EPG5: variants seen among roughly 807,000 people sequenced by gnomAD.
EPG5 encodes ectopic P granules protein 5 homolog.
EPG5 carries 159 observed loss-of-function variants against 302.7 expected under a neutral mutation model. The ratio of observed to expected loss-of-function variants is 0.53; its 90% CI spans 0.46 to 0.60. The LOEUF (loss-of-function observed/expected upper bound fraction) is 0.60. Among genes scored for constraint, EPG5 ranks in the 20% least tolerant of loss-of-function variants. The pLI, the probability that EPG5 is intolerant of heterozygous loss-of-function variation, is 0.00. For missense variants in EPG5, 2,896 were observed against 3,092.4 expected (o/e 0.94, Z 1.51); for synonymous variants, 1,158 against 1,136.8 (o/e 1.02, Z -0.37).
chr18:45,909,656 G>A (rs2049845114), intron 23 of EPG5, among the ~76,000 whole-genome samples: 1 of 152,194 alleles, frequency 6.6e-6, no homozygotes, highest in Non-Finnish European at 1.5e-5. Flanking sequence ...CCTTTTAGAG[G>A]AGGCAAATAT....
chr18:45,946,118 A>G (rs1234383002), intron 7 of EPG5, among the ~76,000 whole-genome samples: 1 of 152,258 alleles, frequency 6.6e-6, no homozygotes, highest in Non-Finnish European at 1.5e-5. Context: ...AAAATTAACA[A>G]GGGTGATCTC....
intron 36 of EPG5, chr18:45,868,019 A>G (rs1599449032): frequency 1.9e-6 from 1 of 514,362 alleles, no homozygotes; most frequent in Non-Finnish European, 3.8e-6. Flanking sequence ...CCTAACCCCA[A>G]CCTGGGTGGA....
chr18:45,835,249 A>G, the EPG5 span, among the ~76,000 whole-genome samples: 2 of 152,224 alleles, frequency 1.3e-5, no homozygotes, highest in African/African-American at 4.8e-5. Context: ...AAGAGACCCC[A>G]TGGCCGGCAA....
intron 6 of EPG5, among the ~76,000 whole-genome samples, 195 bp downstream of exon 6, chr18:45,948,308 G>A (rs760075583): frequency 1.6e-4 from 24 of 152,186 alleles, no homozygotes; most frequent in Non-Finnish European, 3.2e-4. Flanking sequence ...CCATAAAAAT[G>A]GTTGCTTATA....
intron 1 of EPG5, among the ~76,000 whole-genome samples, chr18:45,965,760 T>A (rs1290281997): frequency 6.6e-6 from 1 of 152,134 alleles, no homozygotes; most frequent in Non-Finnish European, 1.5e-5. Context: ...TCTTAGAAAA[T>A]ATATATAAAT....
In EPG5 at chr18:45,921,570, G is replaced by A. The variant is rs147386639; in HGVS notation, c.3098+771C>T. Among the ~76,000 whole-genome samples, 236 of 152,224 alleles carry A rather than the reference G, an allele frequency of 1.6e-3. 1 individual carries two copies. Among genetic ancestry groups the A allele is most frequent in the African/African-American group, 5.4e-3 (225 of 41,518 alleles). The stretch of plus-strand genomic sequence containing the variant: ...AGAAGTTATATATAACTGAATCTCT[G>A]AGAAAATTGAACAGATTAACTATGA... On this transcript the variant is annotated intron_variant, in intron 16 of 43. Coordinates refer to ENST00000282041, the MANE Select transcript of EPG5 (RefSeq NM_020964.3).
the EPG5 span, among the ~76,000 whole-genome samples, chr18:45,829,589 C>T: frequency 6.6e-6 from 1 of 152,168 alleles, no homozygotes; most frequent in Admixed American, 6.5e-5. Context: ...TCTCCTGGCC[C>T]TCCAGGTGTC....
At chr18:45,894,900 A>G (rs2049437075) in intron 27 of EPG5, among the ~76,000 whole-genome samples, 1 of 152,226 alleles carries the variant, frequency 6.6e-6, no homozygotes, top group Admixed American at 6.5e-5. Flanking sequence ...ATGGGTTTTT[A>G]GCCTGAAAAT....
chr18:45,830,969 G>T, the EPG5 span, among the ~76,000 whole-genome samples: 1 of 152,132 alleles, frequency 6.6e-6, no homozygotes, highest in East Asian at 1.9e-4. Context: ...TTCAGACATA[G>T]ATTTTTAGAA....
intron 25 of EPG5, among the ~76,000 whole-genome samples, chr18:45,902,075 C>G (rs1380847915): frequency 1.3e-5 from 2 of 152,160 alleles, no homozygotes; most frequent in Non-Finnish European, 1.5e-5. Context: ...AATTTCAAGT[C>G]AGTAAGTCAA....
intron 39 of EPG5, among the ~76,000 whole-genome samples, chr18:45,861,475 A>T (rs1027738922): frequency 5.3e-5 from 8 of 152,118 alleles, no homozygotes; most frequent in Admixed American, 5.2e-4. Context: ...ACCATATCTG[A>T]TCCTATCACT....
At chr18:45,936,954 C>T (rs1599610265) in intron 10 of EPG5, among the ~76,000 whole-genome samples, 1 of 152,010 alleles carries the variant, frequency 6.6e-6, no homozygotes, top group Non-Finnish European at 1.5e-5. Context: ...AAACAGGCAA[C>T]TGGTAGTTCA....
intron 13 of EPG5, among the ~76,000 whole-genome samples, chr18:45,928,175 T>C (rs1486185682): frequency 6.6e-6 from 1 of 150,886 alleles, no homozygotes; most frequent in Admixed American, 6.6e-5. Flanking sequence ...ATTGAGCCAC[T>C]GCACTCCAGC....
At chr18:45,818,673 A>G in the EPG5 span, among the ~76,000 whole-genome samples, 1 of 151,514 alleles carries the variant, frequency 6.6e-6, no homozygotes, top group Non-Finnish European at 1.5e-5. Flanking sequence ...ACATGCTGCA[A>G]ATGTTTTCCC....
the EPG5 span, among the ~76,000 whole-genome samples, chr18:45,836,046 A>T: frequency 6.6e-6 from 1 of 152,154 alleles, no homozygotes; most frequent in African/African-American, 2.4e-5. Flanking sequence ...GTGCAGAAGG[A>T]ATGTCCCGAC....
chr18:45,944,719 C>A (rs558663647), intron 7 of EPG5, among the ~76,000 whole-genome samples: 90 of 152,278 alleles, frequency 5.9e-4, no homozygotes, highest in Non-Finnish European at 9.0e-4. Flanking sequence ...CACACCATTG[C>A]ACTCCAGGCT....
intron 35 of EPG5, among the ~76,000 whole-genome samples, chr18:45,875,950 G>A (rs1036810836): frequency 1.3e-4 from 19 of 151,928 alleles, no homozygotes; most frequent in East Asian, 1.9e-4. Context: ...CCAGCTACTC[G>A]GGAGGCTGAG....
intron 30 of EPG5, among the ~76,000 whole-genome samples, chr18:45,883,599 T>TACC (rs1414856750): frequency 1.4e-5 from 2 of 146,356 alleles, no homozygotes; most frequent in Non-Finnish European, 3.0e-5. Context: ...TAGCTGGGAG[T>TACC]ACCACTAGCC....
Position 45,880,928 on chromosome 18 carries a change from C to T in EPG5, c.5519-705G>A, listed in dbSNP as rs180895027. ...ACCTGGGGACAGTGCCAGTCTGTGT[C>T]CAATGGCCACTGGGGTCTGGATCTT... On this transcript the variant is annotated intron_variant, in intron 31 of 43. Transcript: ENST00000282041. Among the ~76,000 whole-genome samples the T allele has an allele frequency of 2.3e-4, 35 of 152,246 alleles. No individual in the cohort carries two copies. In the East Asian group the frequency reaches 6.6e-3, roughly 29 times the overall value.
Sources: allele counts gnomAD v4.1 joint callset (sites outside exome capture counted in the v4.1 genomes callset), GRCh38; gene constraint gnomAD v4.1.1; transcripts MANE v1.5; gene names NCBI Gene and HGNC (gene_info 2026-07-23, HGNC 2026-07-21).